RHCE: variants seen among roughly 807,000 people sequenced by gnomAD.
The protein encoded by RHCE is blood group Rh(CE) polypeptide.
Under a neutral mutation model 43.8 loss-of-function variants are expected in RHCE, and 22 were observed. That is an observed-to-expected ratio of 0.50 (90% CI 0.36 to 0.72). RHCE has a LOEUF of 0.72. Ranked by LOEUF, RHCE falls within the 30% of genes least tolerant of loss-of-function variation. The pLI is 0.00. For synonymous variants in RHCE, 156 were observed against 210.7 expected (o/e 0.74, Z 2.25); for missense variants, 385 against 525.4 (o/e 0.73, Z 2.61).
chr1:25,416,157 G>A (rs975833429), intron 1 of RHCE, among the ~76,000 whole-genome samples: 4 of 152,022 alleles, frequency 2.6e-5, no homozygotes, highest in Admixed American at 6.6e-5. Context: ...TCCTAGCTTT[G>A]GAAGGTGCCC....
At chr1:25,374,246 G>A (rs1645716135) in intron 8 of RHCE, among the ~76,000 whole-genome samples, 2 of 151,490 alleles carry the variant, frequency 1.3e-5, no homozygotes, top group Admixed American at 6.6e-5. Context: ...CCACCACCAC[G>A]CCTGGCTAAT....
chr1:25,362,456 C>T lies in RHCE; in HGVS notation c.*71G>A. ...TGCTGTCATGAGCGTTTCTCACGTA[C>T]AAATGCAGGCAACAGTGAGAGGAAG... is the stretch of plus-strand genomic sequence containing the variant. On this transcript the variant is annotated 3_prime_UTR_variant, in exon 10 of 10. Transcript: ENST00000294413. 2 of 1,612,934 alleles carry T rather than the reference C, an allele frequency of 1.2e-6. No homozygotes were observed. The highest frequency in any genetic ancestry group is 2.2e-5 in the South Asian group (2 of 91,034).
At chr1:25,385,992 G>A in intron 6 of RHCE, 148 bp from the exon 7 acceptor site, 1 of 1,185,550 alleles carries the variant, frequency 8.4e-7, no homozygotes, top group Non-Finnish European at 1.3e-6. Context: ...ACTTGAATGT[G>A]TACTCACATC....
At position 25,420,739 on chromosome 1, in the gene RHCE, G is replaced by C. The variant is rs586178; in HGVS notation, c.48C>G (p.Cys16Trp). 0.5 allele frequency: 597,132 copies of C among 1,198,092 alleles called. 219,438 individuals are homozygous for C. The highest frequency in any genetic ancestry group is 0.54 in the Non-Finnish European group (444,108 of 829,966). The allele number at this position is 1,198,092 out of a possible 1,614,324, so 74.2% of individuals were successfully genotyped here. Residue 16 changes from cysteine (C) to tryptophan (W), a missense_variant, in exon 1 of 10, where the codon TGC becomes TGG. Cys to Trp is a radical substitution (Grantham distance 215). Coordinates refer to ENST00000294413, the MANE Select transcript of RHCE (RefSeq NM_020485.8). ...TGAGAGCTGCTTCCAGTGTTAGGGC[G>C]CAGAGGGGCAGGCAGCGCCGGACAG... ...PRSVRRCLPL[C>W]ALTLEAALIL...
chr1:25,397,148 A>G (rs1646573437), intron 3 of RHCE, among the ~76,000 whole-genome samples: 1 of 148,374 alleles, frequency 6.7e-6, no homozygotes, highest in Admixed American at 6.7e-5. Flanking sequence ...TGTACACTGA[A>G]GTATTTAGGG....
chr1:25,382,613 C>A (rs1293260), intron 7 of RHCE, among the ~76,000 whole-genome samples: 3 of 151,396 alleles, frequency 2.0e-5, no homozygotes, highest in Non-Finnish European at 4.4e-5. Context: ...CTCCCCTGGC[C>A]AGACCCTCAG....
intron 7 of RHCE, among the ~76,000 whole-genome samples, chr1:25,377,457 A>G (rs1645823993): frequency 6.6e-6 from 1 of 152,124 alleles, no homozygotes; most frequent in Non-Finnish European, 1.5e-5. Context: ...CAGCCTCCCA[A>G]AGTGCTGGGA....
chr1:25,373,215 G>A (rs116706572), intron 8 of RHCE, among the ~76,000 whole-genome samples: 2,530 of 151,702 alleles, frequency 0.017, 46 homozygotes, highest in Non-Finnish European at 0.026. Flanking sequence ...TTTGACTCCA[G>A]TGAAGCATAA....
upstream of RHCE, among the ~76,000 whole-genome samples, chr1:25,424,216 G>A (rs74060780): frequency 6.6e-6 from 1 of 152,114 alleles, no homozygotes; most frequent in African/African-American, 2.4e-5. Flanking sequence ...CGTAGGTTAG[G>A]TGTATTAAAT....
rs561311945 is a variant in RHCE, at chr1:25,399,188, G to A, written c.486+3408C>T. ...GCATCTGCAAAGCTGTTGCCATGCTGTGGAAGCTCTGACCTTTTTGACTTC... is the reference window on the plus strand; with the variant it reads ...GCATCTGCAAAGCTGTTGCCATGCTATGGAAGCTCTGACCTTTTTGACTTC... On this transcript the variant is annotated intron_variant, in intron 3 of 9. Coordinates refer to ENST00000294413, the MANE Select transcript of RHCE (RefSeq NM_020485.8). The A allele has an allele frequency of 9.6e-5, 96 of 1,002,728 alleles. 4 individuals are homozygous for A. In the South Asian group the frequency reaches 1.1e-3, roughly 12 times the overall value. The allele number at this position is 1,002,728 out of a possible 1,614,324, so 62.1% of individuals were successfully genotyped here.
intron 8 of RHCE, among the ~76,000 whole-genome samples, chr1:25,372,693 T>C (rs1238093191): frequency 1.3e-5 from 2 of 151,748 alleles, no homozygotes; most frequent in African/African-American, 4.9e-5. Flanking sequence ...TAAATAAGTA[T>C]AGACAGGCCC....
intron 9 of RHCE, among the ~76,000 whole-genome samples, chr1:25,368,846 C>T (rs1479419227): frequency 2.6e-5 from 4 of 151,638 alleles, no homozygotes; most frequent in Non-Finnish European, 4.4e-5. Context: ...CTGCAAACTT[C>T]GCTTCCCAGG....
At chr1:25,412,035 A>C (rs1647097129) in intron 1 of RHCE, among the ~76,000 whole-genome samples, 2 of 152,206 alleles carry the variant, frequency 1.3e-5, no homozygotes, top group African/African-American at 4.8e-5. Context: ...CCGGGCCCAG[A>C]GGAGAATTGT....
chr1:25,403,328 G>T (rs1479164057), intron 2 of RHCE, among the ~76,000 whole-genome samples: 1 of 151,692 alleles, frequency 6.6e-6, no homozygotes, highest in Non-Finnish European at 1.5e-5. Flanking sequence ...TGCAAATTAA[G>T]AATGATGATC....
At chr1:25,401,434 C>T (rs1215468018) in intron 3 of RHCE, among the ~76,000 whole-genome samples, 5 of 152,100 alleles carry the variant, frequency 3.3e-5, no homozygotes, top group Non-Finnish European at 7.4e-5. Context: ...CACTATCTTG[C>T]TATGTGATCT....
chr1:25,391,017 C>A lies in RHCE; in HGVS notation c.635-102G>T. On this transcript the variant is annotated intron_variant, in intron 4 of 9. Transcript: ENST00000294413. Reference sequence around the variant, plus strand: ...GAATCCTAGGGCTGGAGAGTCTCAGCCTTGTCACTTAGAGTTAGATGGGGA... The same window carrying A: ...GAATCCTAGGGCTGGAGAGTCTCAGACTTGTCACTTAGAGTTAGATGGGGA... 2.0e-6 allele frequency: 3 copies of A among 1,530,978 alleles called. No individual in the cohort carries two copies. In the South Asian group the frequency reaches 3.4e-5, roughly 17 times the overall value. The allele number at this position is 1,530,978 out of a possible 1,614,324, so 94.8% of individuals were successfully genotyped here.
chr1:25,390,388 T>A (rs1646318771), intron 5 of RHCE, among the ~76,000 whole-genome samples: 1 of 152,162 alleles, frequency 6.6e-6, no homozygotes, highest in Non-Finnish European at 1.5e-5. Flanking sequence ...TTGAAATTTG[T>A]TGGGGGGAAG....
chr1:25,380,842 C>A (rs1645971183), intron 7 of RHCE, among the ~76,000 whole-genome samples: 1 of 151,742 alleles, frequency 6.6e-6, no homozygotes, highest in South Asian at 2.1e-4. Context: ...AGTTTTTCTC[C>A]CTTGTCCTGA....
At chr1:25,406,246 CGTGCGT>C (rs1646913299) in intron 2 of RHCE, among the ~76,000 whole-genome samples, 2 of 88,498 alleles carry the variant, frequency 2.3e-5, no homozygotes, top group African/African-American at 1.2e-4. Context: ...TGCGTGCGTG[CGTGCGT>C]GTGTGTGTGT....
Sources: allele counts gnomAD v4.1 joint callset (sites outside exome capture counted in the v4.1 genomes callset), GRCh38; gene constraint gnomAD v4.1.1; transcripts MANE v1.5; gene names NCBI Gene and HGNC (gene_info 2026-07-23, HGNC 2026-07-21).